NR6A1: variants seen among roughly 807,000 people sequenced by gnomAD.
NR6A1 encodes retinoic acid receptor-related testis-associated receptor.
In NR6A1, 7 loss-of-function variants were observed where a neutral mutation model predicts 59.1. The observed-to-expected ratio is 0.12, with a 90% confidence interval of 0.07 to 0.22. The LOEUF is 0.22. Ranked by LOEUF, NR6A1 falls within the 10% of genes least tolerant of loss-of-function variation. The probability of loss-of-function intolerance (pLI) is 1.00; values close to 1 mark genes in which losing one functional copy is unlikely to be tolerated. For missense variants in NR6A1, 468 were observed against 611.6 expected, an observed-to-expected ratio of 0.77 and a Z score of 2.48; for synonymous variants, 243 against 236.1, an observed-to-expected ratio of 1.03 and a Z score of -0.27.
intron 2 of NR6A1, among the ~76,000 whole-genome samples, chr9:124,567,303 G>A (rs1012735811): frequency 6.6e-6 from 1 of 152,110 alleles, no homozygotes; most frequent in African/African-American, 2.4e-5. Context: ...AGAGAATGTG[G>A]AGAAGCAGCA....
At chr9:124,728,018 A>T (rs1052007858) in intron 2 of NR6A1, among the ~76,000 whole-genome samples, 3 of 147,332 alleles carry the variant, frequency 2.0e-5, no homozygotes, top group East Asian at 4.1e-4. Flanking sequence ...TTTTATTTTT[A>T]TTTTTGTATT....
chr9:124,575,720 T>C (rs906136751), intron 2 of NR6A1, among the ~76,000 whole-genome samples: 1 of 152,056 alleles, frequency 6.6e-6, no homozygotes, highest in Non-Finnish European at 1.5e-5. Context: ...AATAGTACTT[T>C]TATCACATCG....
At chr9:124,731,146 C>A (rs931833731) in intron 2 of NR6A1, among the ~76,000 whole-genome samples, 5 of 151,970 alleles carry the variant, frequency 3.3e-5, no homozygotes, top group Non-Finnish European at 5.9e-5. Flanking sequence ...CCAAGGCAGG[C>A]GGATCACAAG....
intron 2 of NR6A1, among the ~76,000 whole-genome samples, chr9:124,578,241 T>C (rs566043428): frequency 3.3e-5 from 5 of 152,170 alleles, no homozygotes; most frequent in South Asian, 2.1e-4. Flanking sequence ...ATAGTAGTAA[T>C]GCCTAAAAGT....
chr9:124,550,502 A>G (rs1833745688), intron 3 of NR6A1, among the ~76,000 whole-genome samples: 2 of 150,390 alleles, frequency 1.3e-5, no homozygotes, highest in South Asian at 4.2e-4. Context: ...CTGTAGGCAC[A>G]TGCCACCGCG....
intron 2 of NR6A1, among the ~76,000 whole-genome samples, chr9:124,709,061 A>G (rs1839207600): frequency 1.3e-5 from 2 of 152,114 alleles, no homozygotes. Context: ...TTCTCACTGC[A>G]TTTCTCAGAT....
chr9:124,771,128 G>C lies in NR6A1; in HGVS notation c.-9C>G, dbSNP rs563596542. On this transcript the variant is annotated 5_prime_UTR_variant, in exon 1 of 10. Transcript: ENST00000487099. ...GGTTCGTCCCGCTCCATGCGGTGGT[G>C]CCTAGGGTCCGCGCCGGGTTTGTTG... 1 of 1,222,568 alleles carries C rather than the reference G, an allele frequency of 8.2e-7. No homozygotes were observed. Among genetic ancestry groups the C allele is most frequent in the South Asian group, 4.1e-5 (1 of 24,170 alleles). 75.7% of individuals were successfully genotyped at this position (1,222,568 alleles called of 1,614,324 possible). A position where few individuals can be genotyped will look rare whatever the true frequency, so the allele number is the denominator to read the frequency against.
chr9:124,675,982 T>C (rs1837947630), intron 2 of NR6A1, among the ~76,000 whole-genome samples: 1 of 152,198 alleles, frequency 6.6e-6, no homozygotes, highest in East Asian at 1.9e-4. Flanking sequence ...ATGGATGGAA[T>C]GTAGCACATG....
At chr9:124,604,368 C>T (rs1447749616) in intron 2 of NR6A1, among the ~76,000 whole-genome samples, 3 of 152,226 alleles carry the variant, frequency 2.0e-5, no homozygotes, top group African/African-American at 7.2e-5. Flanking sequence ...AAACCTGGCA[C>T]TCTTTCCATG....
At position 124,771,227 on chromosome 9, in the gene NR6A1, G is replaced by C; in HGVS notation, c.-108C>G. ...GGAGGAGGTTGTCAGGAGCCCGCGA[G>C]CTCCCGGCCGCGGCTCTCTCTGGGC... is the stretch of plus-strand genomic sequence containing the variant. On this transcript the variant is annotated 5_prime_UTR_variant, in exon 1 of 10. Transcript: ENST00000487099. 1.8e-6 allele frequency: 1 copy of C among 561,812 alleles called. No homozygotes were observed. Among genetic ancestry groups the C allele is most frequent in the Non-Finnish European group, 2.6e-6 (1 of 377,432 alleles). The allele number at this position is 561,812 out of a possible 1,614,324, so 34.8% of individuals were successfully genotyped here.
At chr9:124,711,711 AGT>A (rs1839286178) in intron 2 of NR6A1, among the ~76,000 whole-genome samples, 2 of 152,202 alleles carry the variant, frequency 1.3e-5, no homozygotes, top group African/African-American at 2.4e-5. Context: ...TTCAAAGAAA[AGT>A]GACCACTGGA....
In NR6A1 at chr9:124,567,663, T is replaced by C. The variant is rs148731275; in HGVS notation, c.143-13093A>G. ...AATAAAAAAGGCTCAAAGGTCACTATTGAGAACCACTTTGGTGAACTAGTT... is the reference window on the plus strand; with the variant it reads ...AATAAAAAAGGCTCAAAGGTCACTACTGAGAACCACTTTGGTGAACTAGTT... On this transcript the variant is annotated intron_variant, in intron 2 of 9. Coordinates refer to ENST00000487099, the MANE Select transcript of NR6A1 (RefSeq NM_033334.4). Among the ~76,000 whole-genome samples the C allele has an allele frequency of 1.8e-4, 27 of 152,138 alleles. 1 individual carries two copies. Among genetic ancestry groups the C allele is most frequent in the Admixed American group, 1.2e-3 (18 of 15,276 alleles).
chr9:124,724,052 A>G (rs1839640550), intron 2 of NR6A1, among the ~76,000 whole-genome samples: 1 of 152,272 alleles, frequency 6.6e-6, no homozygotes, highest in South Asian at 2.1e-4. Context: ...GGATGGTTAA[A>G]TAAATCATGA....
chr9:124,551,520 G>GA (rs2131378948), intron 3 of NR6A1, among the ~76,000 whole-genome samples: 1 of 152,236 alleles, frequency 6.6e-6, no homozygotes, highest in Admixed American at 6.5e-5. Flanking sequence ...ACATAACCTT[G>GA]AGAGAAACAA....
chr9:124,649,511 A>G (rs1171106866), intron 2 of NR6A1, among the ~76,000 whole-genome samples: 1 of 152,164 alleles, frequency 6.6e-6, no homozygotes, highest in Admixed American at 6.5e-5. Flanking sequence ...TACTACAAGA[A>G]AACACTGGGG....
At chr9:124,719,130 C>T (rs557082356) in intron 2 of NR6A1, among the ~76,000 whole-genome samples, 31 of 151,768 alleles carry the variant, frequency 2.0e-4, no homozygotes, top group Non-Finnish European at 4.0e-4. Context: ...GACAGGGTCT[C>T]ACTCTGTTGC....
intron 2 of NR6A1, among the ~76,000 whole-genome samples, chr9:124,649,350 T>C (rs557555354): frequency 6.6e-6 from 1 of 152,146 alleles, no homozygotes; most frequent in African/African-American, 2.4e-5. Context: ...GAACATTCAT[T>C]GGCAAAAGGA....
At chr9:124,770,953 G>T in intron 1 of NR6A1, 67 bp downstream of exon 1, 1 of 910,042 alleles carries the variant, frequency 1.1e-6, no homozygotes, top group Non-Finnish European at 1.4e-6. Flanking sequence ...GAGAGGAGGG[G>T]GATCCCTGGC....
At chr9:124,587,806 A>G (rs1415066402) in intron 2 of NR6A1, among the ~76,000 whole-genome samples, 1 of 152,350 alleles carries the variant, frequency 6.6e-6, no homozygotes, top group East Asian at 1.9e-4. Context: ...TTACATTCAC[A>G]TGACTTTACT....
Sources: gnomAD v4.1 joint callset for allele counts (sites outside exome capture counted in the v4.1 genomes callset) on GRCh38, gnomAD v4.1.1 for gene constraint, MANE v1.5 for transcripts, NCBI Gene and HGNC (gene_info 2026-07-23, HGNC 2026-07-21) for gene names.